The following DTNA variants were observed in gnomAD, a reference collection of about 807,000 sequenced individuals.
DTNA encodes the protein dystrophin-related protein 3.
Under a neutral mutation model 100.7 loss-of-function variants are expected in DTNA, and 43 were observed. The ratio of observed to expected loss-of-function variants is 0.43; its 90% CI spans 0.33 to 0.55. The LOEUF (loss-of-function observed/expected upper bound fraction) is 0.55, where lower values mean the gene tolerates loss of function less well. Ranked by LOEUF, DTNA falls within the 20% of genes least tolerant of loss-of-function variation. The pLI, the probability that DTNA is intolerant of heterozygous loss-of-function variation, is 0.04. For synonymous variants in DTNA, 349 were observed against 347.9 expected, an observed-to-expected ratio of 1.00 and a Z score of -0.04; for missense variants, 798 against 953.9, an observed-to-expected ratio of 0.84 and a Z score of 2.15.
chr18:34,853,179 A>G (rs2096504555), intron 15 of DTNA, among the ~76,000 whole-genome samples: 1 of 152,204 alleles, frequency 6.6e-6, no homozygotes, highest in Non-Finnish European at 1.5e-5. Flanking sequence ...GGTTTTTGCC[A>G]TTATTTTTAA....
At chr18:34,776,610 G>C (rs971059983) in intron 3 of DTNA, among the ~76,000 whole-genome samples, 1 of 152,136 alleles carries the variant, frequency 6.6e-6, no homozygotes, top group Non-Finnish European at 1.5e-5. Flanking sequence ...CAAAGTGCTG[G>C]GATTACAGGC....
intron 3 of DTNA, among the ~76,000 whole-genome samples, chr18:34,775,482 A>C (rs150725552): frequency 0.088 from 13,403 of 151,636 alleles, 618 homozygotes; most frequent in South Asian, 0.11. Flanking sequence ...ACTCCATCTC[A>C]AAAAAAAATA....
intron 12 of DTNA, among the ~76,000 whole-genome samples, chr18:34,838,543 T>C (rs899892987): frequency 6.6e-6 from 1 of 152,232 alleles, no homozygotes; most frequent in Non-Finnish European, 1.5e-5. Context: ...GAAGTCTTTA[T>C]TTTTAAAGTT....
intron 17 of DTNA, among the ~76,000 whole-genome samples, chr18:34,873,725 G>A (rs16966118): frequency 0.028 from 4,306 of 152,282 alleles, 202 homozygotes; most frequent in African/African-American, 0.097. Context: ...AAGGCACAAC[G>A]CAAATGTGAA....
chr18:34,555,862 A>T (rs2045976277), intron 1 of DTNA, among the ~76,000 whole-genome samples: 1 of 152,092 alleles, frequency 6.6e-6, no homozygotes, highest in Non-Finnish European at 1.5e-5. Context: ...TTTGGAGTGG[A>T]GAGTTCTTAG....
chr18:34,734,572 G>A lies in DTNA; in HGVS notation c.-1-21404G>A, dbSNP rs141673107. The stretch of plus-strand genomic sequence containing the variant: ...CACAATTTCAGCTCTTTCTCTACAG[G>A]AGATAAGACTCTCATTCAGGGCAAT... On this transcript the variant is annotated intron_variant, in intron 1 of 22. Coordinates refer to ENST00000444659, the MANE Select transcript of DTNA (RefSeq NM_001386795.1). Among the ~76,000 whole-genome samples, 1,119 of 152,252 alleles carry A rather than the reference G, an allele frequency of 7.3e-3. 14 individuals are homozygous for A. The highest frequency in any genetic ancestry group is 0.025 in the African/African-American group (1,047 of 41,544).
At chr18:34,512,678 A>G (rs1280837659) in intron 1 of DTNA, among the ~76,000 whole-genome samples, 2 of 152,052 alleles carry the variant, frequency 1.3e-5, no homozygotes, top group Admixed American at 1.3e-4. Context: ...TCTGAAAGGT[A>G]TATGTGAGAA....
At chr18:34,632,024 A>G (rs1478729687) in intron 1 of DTNA, among the ~76,000 whole-genome samples, 1 of 152,218 alleles carries the variant, frequency 6.6e-6, no homozygotes, top group Non-Finnish European at 1.5e-5. Flanking sequence ...TTGGTGTCTC[A>G]TAACATTTTC....
intron 1 of DTNA, among the ~76,000 whole-genome samples, chr18:34,577,637 C>T (rs1312395114): frequency 6.6e-6 from 1 of 152,132 alleles, no homozygotes; most frequent in Non-Finnish European, 1.5e-5. Context: ...ATTCTTATGC[C>T]TTTGCATCCT....
intron 1 of DTNA, among the ~76,000 whole-genome samples, chr18:34,584,576 T>C (rs2048941504): frequency 6.6e-6 from 1 of 152,088 alleles, no homozygotes; most frequent in African/African-American, 2.4e-5. Flanking sequence ...GAAAAGATAA[T>C]AACGTTAGAG....
In DTNA at chr18:34,889,145, C is replaced by T. The variant is rs527927072; in HGVS notation, c.*1411C>T. The T allele has an allele frequency of 2.0e-6, 2 of 985,316 alleles. No homozygotes were observed. Among genetic ancestry groups the T allele is most frequent in the South Asian group, 9.4e-5 (2 of 21,284 alleles). 61.0% of individuals were successfully genotyped at this position (985,316 alleles called of 1,614,324 possible). On this transcript the variant is annotated 3_prime_UTR_variant, in exon 23 of 23. Transcript: ENST00000444659. ...CAAGATTTGATTTTTTTAAAAAAGC[C>T]TGCGACCTATTCAATACATTATGCT...
At chr18:34,798,545 A>G (rs901709799) in intron 4 of DTNA, among the ~76,000 whole-genome samples, 1 of 152,136 alleles carries the variant, frequency 6.6e-6, no homozygotes, top group Non-Finnish European at 1.5e-5. Flanking sequence ...TCTTGACTCA[A>G]TCTCATTTCA....
chr18:34,513,417 T>C (rs2041286152), intron 1 of DTNA: 1 of 152,202 alleles, frequency 6.6e-6, no homozygotes, highest in African/African-American at 2.4e-5. Flanking sequence ...TAATGTTTTA[T>C]TGGTAACATC....
intron 1 of DTNA, among the ~76,000 whole-genome samples, chr18:34,606,345 T>C (rs867673143): frequency 2.0e-5 from 3 of 152,188 alleles, no homozygotes; most frequent in Admixed American, 6.6e-5. Context: ...AAAGAAAACA[T>C]TTAATGTACT....
chr18:34,891,449 C>G lies in DTNA; in HGVS notation c.*3715C>G, dbSNP rs2096964077. On this transcript the variant is annotated 3_prime_UTR_variant, in exon 23 of 23. Coordinates refer to ENST00000444659, the MANE Select transcript of DTNA (RefSeq NM_001386795.1). ...TTGTTTCAGTGAATCTTTCCTAAAG[C>G]AACGTGGAGTCAGTCTGTTGAAAGA... 2.6e-5 allele frequency: 4 copies of G among 152,456 alleles called. No individual in the cohort carries two copies. In the South Asian group the frequency reaches 8.3e-4, roughly 32 times the overall value. 9.4% of individuals were successfully genotyped at this position (152,456 alleles called of 1,614,324 possible).
chr18:34,524,915 C>A (rs929037094), intron 1 of DTNA, among the ~76,000 whole-genome samples: 1 of 152,098 alleles, frequency 6.6e-6, no homozygotes, highest in Non-Finnish European at 1.5e-5. Context: ...TTGGGGCATA[C>A]TGGAGCTGTA....
At chr18:34,664,912 C>A (rs1292259909) in intron 1 of DTNA, among the ~76,000 whole-genome samples, 1 of 151,640 alleles carries the variant, frequency 6.6e-6, no homozygotes, top group Non-Finnish European at 1.5e-5. Context: ...CTTTTTTTAA[C>A]CCCAAAGTAG....
At chr18:34,603,152 A>G (rs2052313177) in intron 1 of DTNA, among the ~76,000 whole-genome samples, 1 of 151,976 alleles carries the variant, frequency 6.6e-6, no homozygotes, top group Non-Finnish European at 1.5e-5. Flanking sequence ...CAGGAGTTTG[A>G]GGCAGTAGTG....
At chr18:34,699,463 C>T (rs1249842773) in intron 1 of DTNA, among the ~76,000 whole-genome samples, 1 of 152,184 alleles carries the variant, frequency 6.6e-6, no homozygotes, top group African/African-American at 2.4e-5. Flanking sequence ...CTCAGTCTAC[C>T]AATTCAAATA....
Sources: allele counts gnomAD v4.1 joint callset (sites outside exome capture counted in the v4.1 genomes callset), GRCh38; gene constraint gnomAD v4.1.1; transcripts MANE v1.5; gene names NCBI Gene and HGNC (gene_info 2026-07-23, HGNC 2026-07-21).